The following MFF variants were observed in gnomAD, a reference collection of about 807,000 sequenced individuals.
MFF encodes the protein mitochondrial fission factor.
MFF carries 12 observed loss-of-function variants against 36.9 expected under a neutral mutation model. The ratio of observed to expected loss-of-function variants is 0.33; its 90% CI spans 0.21 to 0.53. MFF has a LOEUF of 0.53. MFF is among the 20% of genes least tolerant of loss of function. The pLI is 0.95. For synonymous variants in MFF, 99 were observed against 126.2 expected, an observed-to-expected ratio of 0.78 and a Z score of 1.44; for missense variants, 348 against 366.6, an observed-to-expected ratio of 0.95 and a Z score of 0.42.
intron 6 of MFF, among the ~76,000 whole-genome samples, chr2:227,350,613 A>G (rs2075947376): frequency 6.6e-6 from 1 of 152,140 alleles, no homozygotes; most frequent in South Asian, 2.1e-4. Context: ...TGTTATTTAT[A>G]ATTTTTCTCT....
In MFF at chr2:227,337,720, A is replaced by T. The variant is rs546301521; in HGVS notation, c.352-2572A>T. ...CCGGGATGAATAAAACTAAGTGCAT[A>T]ACCACTGAAGGATGATTCTGAAAGA... On this transcript the variant is annotated intron_variant, in intron 4 of 8. Coordinates refer to ENST00000304593, the MANE Select transcript of MFF (RefSeq NM_001277062.2). Among the ~76,000 whole-genome samples the T allele has an allele frequency of 2.6e-5, 4 of 152,306 alleles. No individual in the cohort carries two copies. In the South Asian group the frequency reaches 8.3e-4, roughly 32 times the overall value.
At chr2:227,347,490 T>A (rs1324957682) in intron 6 of MFF, 106 bp downstream of exon 6, 11 of 856,476 alleles carry the variant, frequency 1.3e-5, no homozygotes, top group Non-Finnish European at 2.1e-5. Context: ...CTAGCCTCTT[T>A]CTAAGATGCA....
At chr2:227,338,876 T>C (rs979410807) in intron 4 of MFF, among the ~76,000 whole-genome samples, 4 of 151,172 alleles carry the variant, frequency 2.6e-5, no homozygotes, top group Non-Finnish European at 4.4e-5. Context: ...GCCATGGCTA[T>C]TTTAGTGGGG....
At chr2:227,338,891 TTTTG>T (rs879714802) in intron 4 of MFF, among the ~76,000 whole-genome samples, 3 of 151,212 alleles carry the variant, frequency 2.0e-5, no homozygotes, top group Non-Finnish European at 4.4e-5. Flanking sequence ...GTGGGGGGTT[TTTTG>T]TTTGTTTTGT....
intron 4 of MFF, among the ~76,000 whole-genome samples, chr2:227,338,288 G>A (rs2075152090): frequency 6.6e-6 from 1 of 150,968 alleles, no homozygotes; most frequent in African/African-American, 2.4e-5. Context: ...AGAATTGCTT[G>A]AACCCAGGAG....
At chr2:227,336,565 A>G (rs760763810) in intron 4 of MFF, among the ~76,000 whole-genome samples, 5 of 152,234 alleles carry the variant, frequency 3.3e-5, no homozygotes, top group South Asian at 2.1e-4. Flanking sequence ...AAATGGAACT[A>G]TCTCCAAGCC....
intron 6 of MFF, among the ~76,000 whole-genome samples, chr2:227,348,490 G>A (rs972963303): frequency 3.9e-5 from 6 of 152,178 alleles, no homozygotes; most frequent in Non-Finnish European, 8.8e-5. Flanking sequence ...GCATGAGGGT[G>A]TGGGGAGGGG....
chr2:227,344,370 G>C (rs1333340499), intron 5 of MFF, among the ~76,000 whole-genome samples: 2 of 152,048 alleles, frequency 1.3e-5, no homozygotes, highest in African/African-American at 2.4e-5. Flanking sequence ...TAGTTCACTT[G>C]TCAAAACTAC....
intron 8 of MFF, among the ~76,000 whole-genome samples, chr2:227,356,194 T>G (rs1367148795): frequency 1.3e-5 from 2 of 152,218 alleles, no homozygotes; most frequent in Non-Finnish European, 2.9e-5. Context: ...TGCATATTTT[T>G]TAATATGTAC....
Position 227,353,846 on chromosome 2 carries a change from G to A in MFF, c.659+1273G>A, listed in dbSNP as rs549924096. 2.0e-5 allele frequency among the ~76,000 whole-genome samples: 3 copies of A among 152,194 alleles called. No homozygotes were observed. In the South Asian group the frequency reaches 6.2e-4, roughly 32 times the overall value. Reference sequence around the variant, plus strand: ...ATTTGTACTTCATTCTGTATGTTCAGTTCAGATCCCTTTAACAATTGCTTC... The same window carrying A: ...ATTTGTACTTCATTCTGTATGTTCAATTCAGATCCCTTTAACAATTGCTTC... On this transcript the variant is annotated intron_variant, in intron 7 of 8. Transcript: ENST00000304593.
intron 5 of MFF, chr2:227,346,959 T>G: frequency 3.5e-6 from 1 of 282,498 alleles, no homozygotes; most frequent in Non-Finnish European, 6.7e-6. Flanking sequence ...CATTCATTGC[T>G]GTAGTTCTCT....
chr2:227,343,445 C>T lies in MFF; in HGVS notation c.440+3065C>T, dbSNP rs142030701. Reference sequence around the variant, plus strand: ...CAACAGAAGAAACTGCACCGAAAGCCAACAGTTTTCCTCTTATTCTGGTTC... The same window carrying T: ...CAACAGAAGAAACTGCACCGAAAGCTAACAGTTTTCCTCTTATTCTGGTTC... On this transcript the variant is annotated intron_variant, in intron 5 of 8. Transcript: ENST00000304593. Among the ~76,000 whole-genome samples the T allele has an allele frequency of 2.0e-3, 300 of 152,222 alleles. 2 individuals carry two copies. Among genetic ancestry groups the T allele is most frequent in the African/African-American group, 6.5e-3 (269 of 41,534 alleles).
chr2:227,354,795 G>A (rs2076178174), intron 7 of MFF, among the ~76,000 whole-genome samples: 1 of 152,148 alleles, frequency 6.6e-6, no homozygotes, highest in Non-Finnish European at 1.5e-5. Flanking sequence ...TAAATGTAGT[G>A]GTAAGATGTA....
chr2:227,334,236 A>G (rs2106364581), intron 4 of MFF, among the ~76,000 whole-genome samples: 1 of 152,350 alleles, frequency 6.6e-6, no homozygotes, highest in East Asian at 1.9e-4. Context: ...AAAGCTCAAT[A>G]TATATAAATG....
intron 4 of MFF, among the ~76,000 whole-genome samples, chr2:227,334,734 G>A (rs2074856834): frequency 6.6e-6 from 1 of 152,154 alleles, no homozygotes; most frequent in African/African-American, 2.4e-5. Context: ...TCTACAAGAT[G>A]CCATTACCGT....
intron 8 of MFF, 34 bp downstream of exon 8, chr2:227,355,795 G>T: frequency 2.3e-6 from 3 of 1,300,906 alleles, no homozygotes; most frequent in Non-Finnish European, 3.3e-6. Flanking sequence ...ATATTTCTCA[G>T]TTATATTCAT....
At chr2:227,328,229 G>A (rs1162683544) in intron 1 of MFF, among the ~76,000 whole-genome samples, 2 of 149,892 alleles carry the variant, frequency 1.3e-5, no homozygotes, top group East Asian at 3.9e-4. Context: ...AAATTAGCTG[G>A]GTGTGGTGGC....
chr2:227,345,519 C>G (rs922101083), intron 5 of MFF, among the ~76,000 whole-genome samples: 2 of 152,192 alleles, frequency 1.3e-5, no homozygotes, highest in African/African-American at 4.8e-5. Flanking sequence ...GCTGCTCTAT[C>G]AAGAAGAGTG....
At chr2:227,330,365 T>C in intron 2 of MFF, 1 of 431,856 alleles carries the variant, frequency 2.3e-6, no homozygotes, top group South Asian at 3.1e-5. Context: ...GTGTACACAT[T>C]TGTGTTGTAA....
Sources: allele counts gnomAD v4.1 joint callset (sites outside exome capture counted in the v4.1 genomes callset), GRCh38; gene constraint gnomAD v4.1.1; transcripts MANE v1.5; gene names NCBI Gene and HGNC (gene_info 2026-07-23, HGNC 2026-07-21).